ALPK1: variants seen among roughly 807,000 people sequenced by gnomAD.
ALPK1 encodes alpha-protein kinase 1.
Under a neutral mutation model 120.6 loss-of-function variants are expected in ALPK1, and 110 were observed. The ratio of observed to expected loss-of-function variants is 0.91; its 90% CI spans 0.78 to 1.07. ALPK1 has a LOEUF of 1.07. ALPK1 is among the 50% of genes least tolerant of loss of function. ALPK1 has a pLI of 0.00. For missense variants in ALPK1, 1,498 were observed against 1,483.9 expected, an observed-to-expected ratio of 1.01 and a Z score of -0.16; for synonymous variants, 582 against 560.3, an observed-to-expected ratio of 1.04 and a Z score of -0.55.
chr4:112,343,833 G>C (rs1244233174), intron 2 of ALPK1, among the ~76,000 whole-genome samples: 1 of 150,674 alleles, frequency 6.6e-6, no homozygotes, highest in Non-Finnish European at 1.5e-5. Context: ...TTCCTAGGGA[G>C]CACATTCATG....
intron 2 of ALPK1, among the ~76,000 whole-genome samples, chr4:112,333,270 A>G (rs1729466297): frequency 6.6e-6 from 1 of 152,240 alleles, no homozygotes; most frequent in Non-Finnish European, 1.5e-5. Flanking sequence ...TAAAGAGTAT[A>G]TCATGGAGTA....
chr4:112,357,444 G>T, intron 2 of ALPK1: 1 of 705,476 alleles, frequency 1.4e-6, no homozygotes, highest in African/African-American at 1.7e-5. Flanking sequence ...GATGCCTGGA[G>T]CACCACTGCA....
chr4:112,353,145 T>C (rs1045230026), intron 2 of ALPK1: 1 of 152,018 alleles, frequency 6.6e-6, no homozygotes, highest in Non-Finnish European at 1.5e-5. Flanking sequence ...CTGGTTAATT[T>C]TTGTATCTTT....
chr4:112,435,442 A>G, intron 12 of ALPK1, 141 bp downstream of exon 12: 2 of 737,532 alleles, frequency 2.7e-6, no homozygotes, highest in Non-Finnish European at 4.4e-6. Flanking sequence ...TTTTCTTTTC[A>G]TTATTAATTA....
chr4:112,318,593 A>G (rs1728734963), intron 2 of ALPK1, among the ~76,000 whole-genome samples: 1 of 152,246 alleles, frequency 6.6e-6, no homozygotes, highest in South Asian at 2.1e-4. Flanking sequence ...TAGAGTCAAG[A>G]AAGTCTTTAG....
At chr4:112,318,126 T>C (rs1728717709) in intron 2 of ALPK1, among the ~76,000 whole-genome samples, 1 of 152,214 alleles carries the variant, frequency 6.6e-6, no homozygotes, top group South Asian at 2.1e-4. Context: ...TTTTAAAGTA[T>C]ATACTTACAC....
At chr4:112,348,633 G>A (rs577333456) in intron 2 of ALPK1, among the ~76,000 whole-genome samples, 50 of 152,274 alleles carry the variant, frequency 3.3e-4, no homozygotes, top group Non-Finnish European at 6.5e-4. Context: ...GCGGTTCTCC[G>A]TTACCATCTC....
chr4:112,436,044 A>C (rs1204070757), intron 12 of ALPK1, among the ~76,000 whole-genome samples: 2 of 152,230 alleles, frequency 1.3e-5, no homozygotes, highest in Non-Finnish European at 2.9e-5. Context: ...ATTTTTTATC[A>C]TTTGTATATT....
chr4:112,407,324 AAG>A (rs1167147859), intron 4 of ALPK1, among the ~76,000 whole-genome samples: 1 of 152,188 alleles, frequency 6.6e-6, no homozygotes. Context: ...ACCACTATGA[AAG>A]AGAGAAACCA....
At chr4:112,432,678 G>GCTTT in intron 11 of ALPK1, 97 bp downstream of exon 11, 1 of 1,190,346 alleles carries the variant, frequency 8.4e-7, no homozygotes, top group Non-Finnish European at 1.2e-6. Flanking sequence ...GCTCATGAAA[G>GCTTT]GTATAGAACC....
chr4:112,336,038 G>T (rs899794922), intron 2 of ALPK1, among the ~76,000 whole-genome samples: 2 of 152,140 alleles, frequency 1.3e-5, no homozygotes, highest in African/African-American at 2.4e-5. Context: ...CATGCCCTTG[G>T]CTGGAGTCTA....
chr4:112,335,980 G>GA (rs926256495), intron 2 of ALPK1, among the ~76,000 whole-genome samples: 2 of 151,150 alleles, frequency 1.3e-5, no homozygotes, highest in Non-Finnish European at 3.0e-5. Flanking sequence ...TTTGCATTCT[G>GA]AAAAAATAAA....
In ALPK1 at chr4:112,317,822, T is replaced by C. The variant is rs561644644; in HGVS notation, c.-101+1970T>C. 3.3e-5 allele frequency among the ~76,000 whole-genome samples: 5 copies of C among 152,328 alleles called. 2 individuals carry two copies. Among genetic ancestry groups the C allele is most frequent in the African/African-American group, 1.2e-4 (5 of 41,566 alleles). ...GTATGAACAATTTTATATTTTGCTT[T>C]GTCTTACTTAAAATTATTACATATA... On this transcript the variant is annotated intron_variant, in intron 2 of 15. Coordinates refer to ENST00000650871, the MANE Select transcript of ALPK1 (RefSeq NM_025144.4).
At chr4:112,430,378 G>T in intron 10 of ALPK1, 70 bp from the exon 11 acceptor site, 1 of 1,374,268 alleles carries the variant, frequency 7.3e-7, no homozygotes, top group South Asian at 1.5e-5. Flanking sequence ...CTCCAGAAAT[G>T]AAAAGTTTGT....
intron 8 of ALPK1, 34 bp downstream of exon 8, chr4:112,426,577 TG>T (rs1471805013): frequency 1.4e-6 from 2 of 1,456,342 alleles, no homozygotes; most frequent in African/African-American, 2.9e-5. Flanking sequence ...TCTCCTTTCC[TG>T]TATTTGTCTT....
At chr4:112,338,918 G>T (rs975663076) in intron 2 of ALPK1, among the ~76,000 whole-genome samples, 1 of 152,188 alleles carries the variant, frequency 6.6e-6, no homozygotes, top group Non-Finnish European at 1.5e-5. Flanking sequence ...TACCTGCTAC[G>T]TAGTGGGCAA....
intron 4 of ALPK1, among the ~76,000 whole-genome samples, chr4:112,391,555 G>T (rs997877007): frequency 6.6e-6 from 1 of 152,216 alleles, no homozygotes; most frequent in African/African-American, 2.4e-5. Flanking sequence ...AGGTCATACT[G>T]GAGTAGGGTG....
chr4:112,409,305 G>A (rs1329289382), intron 4 of ALPK1, among the ~76,000 whole-genome samples: 1 of 152,104 alleles, frequency 6.6e-6, no homozygotes, highest in Non-Finnish European at 1.5e-5. Flanking sequence ...AGTTTCCCTA[G>A]AAAGGGTTAT....
chr4:112,360,417 T>C lies in ALPK1; in HGVS notation c.-100-17261T>C, dbSNP rs1282124689. The stretch of plus-strand genomic sequence containing the variant: ...GTGCAGAAATCTCTTCTATGCATTG[T>C]TGTTGCTGTAGCTTTATATTAAGTA... On this transcript the variant is annotated intron_variant, in intron 2 of 15. Transcript: ENST00000650871. Among the ~76,000 whole-genome samples the C allele has an allele frequency of 7.9e-5, 12 of 152,210 alleles. 1 individual carries two copies. The East Asian group carries it at 2.1e-3, about 27-fold the overall frequency.
Sources: allele counts gnomAD v4.1 joint callset (sites outside exome capture counted in the v4.1 genomes callset), GRCh38; gene constraint gnomAD v4.1.1; transcripts MANE v1.5; gene names NCBI Gene and HGNC (gene_info 2026-07-23, HGNC 2026-07-21).